UBE2W: variants seen among roughly 807,000 people sequenced by gnomAD.
The protein encoded by UBE2W is ubiquitin-conjugating enzyme E2 W.
In UBE2W, 18 loss-of-function variants were observed where a neutral mutation model predicts 27.2. The ratio of observed to expected loss-of-function variants is 0.66; its 90% CI spans 0.46 to 0.98. UBE2W has a LOEUF of 0.98. Among genes scored for constraint, UBE2W ranks in the 50% least tolerant of loss-of-function variants. UBE2W has a pLI of 0.00. For synonymous variants in UBE2W, 53 were observed against 57.2 expected, an observed-to-expected ratio of 0.93 and a Z score of 0.33; for missense variants, 90 against 180.2, an observed-to-expected ratio of 0.50 and a Z score of 2.87.
chr8:73,784,816 T>G (rs1807906862), downstream of UBE2W, among the ~76,000 whole-genome samples: 1 of 152,190 alleles, frequency 6.6e-6, no homozygotes, highest in Non-Finnish European at 1.5e-5. Flanking sequence ...TTTAGGCATA[T>G]CCTGGGCAAC....
At chr8:73,813,231 T>C (rs935005557) in intron 3 of UBE2W, among the ~76,000 whole-genome samples, 1 of 152,076 alleles carries the variant, frequency 6.6e-6, no homozygotes, top group African/African-American at 2.4e-5. Context: ...GAGAACAGTA[T>C]TTTTCCTAAA....
intron 5 of UBE2W, among the ~76,000 whole-genome samples, chr8:73,795,519 C>T (rs7825326): frequency 0.24 from 36,795 of 152,020 alleles, 7,545 homozygotes; most frequent in African/African-American, 0.57. Context: ...CTTCTCTTCT[C>T]ATAAATTAGT....
intron 1 of UBE2W, among the ~76,000 whole-genome samples, chr8:73,838,403 T>C (rs958188295): frequency 2.0e-5 from 3 of 152,116 alleles, no homozygotes; most frequent in African/African-American, 7.2e-5. Flanking sequence ...AAATCTCTAC[T>C]CTAGATCACT....
chr8:73,805,456 A>AAAAAAAAAACAAAAC (rs1808839600), intron 5 of UBE2W, among the ~76,000 whole-genome samples, 195 bp downstream of exon 5: 3 of 50,670 alleles, frequency 5.9e-5, no homozygotes, highest in Non-Finnish European at 1.7e-4. Context: ...CTCCATCTCA[A>AAAAAAAAAACAAAAC]AAAAAAAAAA....
At chr8:73,785,204 T>C (rs1447582989), downstream of UBE2W, among the ~76,000 whole-genome samples, 2 of 152,288 alleles carry the variant, frequency 1.3e-5, no homozygotes, top group African/African-American at 4.8e-5. Context: ...TGGAGTGCAG[T>C]GTGTGGTCTC....
chr8:73,877,008 T>C (rs1346677540), intron 1 of UBE2W, among the ~76,000 whole-genome samples: 1 of 152,166 alleles, frequency 6.6e-6, no homozygotes, highest in Non-Finnish European at 1.5e-5. Flanking sequence ...AAGTTCAAGA[T>C]TACCAACCTC....
intron 1 of UBE2W, among the ~76,000 whole-genome samples, chr8:73,849,381 G>A (rs961071868): frequency 4.0e-5 from 6 of 151,724 alleles, no homozygotes; most frequent in East Asian, 1.9e-4. Flanking sequence ...GCATGGTGGC[G>A]GGTGCCTGTA....
chr8:73,826,477 A>G (rs1030622806), intron 2 of UBE2W, among the ~76,000 whole-genome samples: 1 of 152,190 alleles, frequency 6.6e-6, no homozygotes, highest in African/African-American at 2.4e-5. Flanking sequence ...TAGAAAATAC[A>G]GTGTTGGGAT....
In UBE2W at chr8:73,822,255, G is replaced by T. The variant is rs191722426; in HGVS notation, c.210+2892C>A. 4.6e-5 allele frequency among the ~76,000 whole-genome samples: 7 copies of T among 152,208 alleles called. No homozygotes were observed. In the East Asian group the frequency reaches 9.7e-4, roughly 21 times the overall value. ...GGCCAACCTCCCCAACAGCACTTGGGTTTTCCTGTTGAGAGGGGGCACTGA... is the reference window on the plus strand; with the variant it reads ...GGCCAACCTCCCCAACAGCACTTGGTTTTTCCTGTTGAGAGGGGGCACTGA... On this transcript the variant is annotated intron_variant, in intron 3 of 5. Transcript: ENST00000602593.
intron 3 of UBE2W, among the ~76,000 whole-genome samples, chr8:73,816,776 T>C (rs1292881839): frequency 6.6e-6 from 1 of 152,240 alleles, no homozygotes; most frequent in African/African-American, 2.4e-5. Flanking sequence ...CTCAAGCCTG[T>C]AATCCCAGCA....
chr8:73,817,337 AATG>A (rs1286902484), intron 3 of UBE2W, among the ~76,000 whole-genome samples: 1 of 152,130 alleles, frequency 6.6e-6, no homozygotes, highest in East Asian at 1.9e-4. Flanking sequence ...CAAAAATAAT[AATG>A]ATAATTAATA....
At chr8:73,801,420 A>T (rs1297173955) in intron 5 of UBE2W, among the ~76,000 whole-genome samples, 1 of 152,244 alleles carries the variant, frequency 6.6e-6, no homozygotes, top group Admixed American at 6.5e-5. Context: ...TTTTAAAAAA[A>T]CTCATCTTCT....
At chr8:73,845,720 TA>T (rs796091391) in intron 1 of UBE2W, among the ~76,000 whole-genome samples, 49 of 141,434 alleles carry the variant, frequency 3.5e-4, no homozygotes, top group South Asian at 1.8e-3. Context: ...TAAAAAAATT[TA>T]AAAAAAAAAA....
At chr8:73,809,539 G>A (rs576397592) in intron 4 of UBE2W, among the ~76,000 whole-genome samples, 141 of 152,206 alleles carry the variant, frequency 9.3e-4, no homozygotes, top group African/African-American at 3.2e-3. Flanking sequence ...AGAGGATTCA[G>A]ATACATTTAA....
Position 73,804,898 on chromosome 8 carries a change from C to T in UBE2W, c.442+753G>A, listed in dbSNP as rs370267822. Reference sequence around the variant, plus strand: ...CCACCACGCCCATCTAATTTTTGTACTTTTAGTAGAGACGAAGTTTCACCA... The same window carrying T: ...CCACCACGCCCATCTAATTTTTGTATTTTTAGTAGAGACGAAGTTTCACCA... On this transcript the variant is annotated intron_variant, in intron 5 of 5. Coordinates refer to ENST00000602593, the MANE Select transcript of UBE2W (RefSeq NM_018299.6). 1.7e-4 allele frequency among the ~76,000 whole-genome samples: 26 copies of T among 151,758 alleles called. No homozygotes were observed. The South Asian group carries it at 5.4e-3, about 32-fold the overall frequency.
Position 73,786,555 on chromosome 8 carries a change from A to G in UBE2W, c.*7547T>C. On this transcript the variant is annotated 3_prime_UTR_variant, in exon 6 of 6. Coordinates refer to ENST00000602593, the MANE Select transcript of UBE2W (RefSeq NM_018299.6). ...GGAGAGAAGAAAGGACAAGGATGATAACCTTTCAGCTACCTTTGAACTAGA... is the reference window on the plus strand; with the variant it reads ...GGAGAGAAGAAAGGACAAGGATGATGACCTTTCAGCTACCTTTGAACTAGA... 1 of 985,482 alleles carries G rather than the reference A, an allele frequency of 1.0e-6. No homozygotes were observed. Among genetic ancestry groups the G allele is most frequent in the Non-Finnish European group, 1.2e-6 (1 of 829,932 alleles). The allele number at this position is 985,482 out of a possible 1,614,324, so 61.0% of individuals were successfully genotyped here. A position where few individuals can be genotyped will look rare whatever the true frequency, so the allele number is the denominator to read the frequency against.
At chr8:73,809,397 G>T (rs1249781354) in intron 4 of UBE2W, among the ~76,000 whole-genome samples, 3 of 152,104 alleles carry the variant, frequency 2.0e-5, no homozygotes, top group Non-Finnish European at 4.4e-5. Flanking sequence ...GGGCAAAGCT[G>T]TTTCTCCTTT....
chr8:73,813,475 A>G (rs1809258997), intron 3 of UBE2W, among the ~76,000 whole-genome samples: 1 of 152,242 alleles, frequency 6.6e-6, no homozygotes, highest in Non-Finnish European at 1.5e-5. Context: ...ACCTTTAAAT[A>G]AAACAGCAGG....
intron 1 of UBE2W, among the ~76,000 whole-genome samples, chr8:73,875,941 T>C (rs1812200811): frequency 6.6e-6 from 1 of 152,026 alleles, no homozygotes; most frequent in African/African-American, 2.4e-5. Flanking sequence ...TAATCCCAGC[T>C]ACTCAGGAGA....
Sources: allele counts gnomAD v4.1 joint callset (sites outside exome capture counted in the v4.1 genomes callset), GRCh38; gene constraint gnomAD v4.1.1; transcripts MANE v1.5; gene names NCBI Gene and HGNC (gene_info 2026-07-23, HGNC 2026-07-21).